EXTL3: variants seen among roughly 807,000 people sequenced by gnomAD.
The protein encoded by EXTL3 is exostosin-like 3.
EXTL3 carries 27 observed loss-of-function variants against 69.3 expected under a neutral mutation model. That is an observed-to-expected ratio of 0.39 (90% CI 0.29 to 0.54). The LOEUF (loss-of-function observed/expected upper bound fraction) is 0.54, where lower values mean the gene tolerates loss of function less well. EXTL3 is among the 20% of genes least tolerant of loss of function. The pLI, the probability that EXTL3 is intolerant of heterozygous loss-of-function variation, is 0.69. For missense variants in EXTL3, 1,003 were observed against 1,231.8 expected, an observed-to-expected ratio of 0.81 and a Z score of 2.78; for synonymous variants, 511 against 499.4, an observed-to-expected ratio of 1.02 and a Z score of -0.31.
At chr8:28,731,069 T>C (rs1585286741) in intron 3 of EXTL3, among the ~76,000 whole-genome samples, 154 bp from the exon 4 acceptor site, 1 of 152,376 alleles carries the variant, frequency 6.6e-6, no homozygotes, top group East Asian at 1.9e-4. Flanking sequence ...GCAGCTTTTA[T>C]TCCTGAAAGG....
chr8:28,658,920 A>T (rs1308945897), intron 1 of EXTL3, among the ~76,000 whole-genome samples: 3 of 152,170 alleles, frequency 2.0e-5, no homozygotes, highest in African/African-American at 7.2e-5. Context: ...ATTCCATCGT[A>T]TGTATGTAGC....
intron 1 of EXTL3, among the ~76,000 whole-genome samples, chr8:28,689,703 G>C (rs1431598024): frequency 6.6e-6 from 1 of 152,170 alleles, no homozygotes; most frequent in Non-Finnish European, 1.5e-5. Context: ...TTAAGGTATG[G>C]ATGAGTCTAG....
chr8:28,640,845 T>C (rs1460266700), intron 1 of EXTL3, among the ~76,000 whole-genome samples: 4 of 152,182 alleles, frequency 2.6e-5, no homozygotes. Flanking sequence ...CACGTGATCC[T>C]CCTGTCTCAG....
Position 28,750,918 on chromosome 8 carries a change from C to G in EXTL3, c.*52C>G. The G allele has an allele frequency of 6.5e-7, 1 of 1,536,874 alleles. No individual in the cohort carries two copies. The highest frequency in any genetic ancestry group is 2.2e-5 in the East Asian group (1 of 44,470). On this transcript the variant is annotated 3_prime_UTR_variant, in exon 7 of 7. Coordinates refer to ENST00000220562, the MANE Select transcript of EXTL3 (RefSeq NM_001440.4). This position sits in a 1 kb window ranked among gnomAD's most constrained non-coding sequence, Gnocchi z 5.2. ...ATGAGCAGAGGGAGGAAGATGGCTC[C>G]CAAGGTTCCTAGGCATTGCAGGACC...
chr8:28,660,908 C>G (rs1199933104), intron 1 of EXTL3, among the ~76,000 whole-genome samples: 2 of 32,376 alleles, frequency 6.2e-5, no homozygotes, highest in Non-Finnish European at 1.2e-4. Flanking sequence ...CTCTTTTGTT[C>G]GTTTCTTTTT....
Position 28,750,926 on chromosome 8 carries a change from C to A in EXTL3, c.*60C>A. 1 of 1,490,748 alleles carries A rather than the reference C, an allele frequency of 6.7e-7. No individual in the cohort carries two copies. Among genetic ancestry groups the A allele is most frequent in the Non-Finnish European group, 9.3e-7 (1 of 1,073,858 alleles). 92.3% of individuals were successfully genotyped at this position (1,490,748 alleles called of 1,614,324 possible). A position where few individuals can be genotyped will look rare whatever the true frequency, so the allele number is the denominator to read the frequency against. ...AGGGAGGAAGATGGCTCCCAAGGTT[C>A]CTAGGCATTGCAGGACCTTGGGCAC... On this transcript the variant is annotated 3_prime_UTR_variant, in exon 7 of 7. Transcript: ENST00000220562. The surrounding 1 kb of genome is among the most constrained non-coding windows in gnomAD (Gnocchi z 5.2).
At chr8:28,654,373 G>T (rs1806972688) in intron 1 of EXTL3, among the ~76,000 whole-genome samples, 4 of 152,060 alleles carry the variant, frequency 2.6e-5, no homozygotes, top group Admixed American at 6.6e-5. Flanking sequence ...TTGTTTGTTT[G>T]TTTGTTTTTG....
Position 28,642,433 on chromosome 8 carries a change from G to A in EXTL3, c.-53+19623G>A, listed in dbSNP as rs547035401. 4.5e-5 allele frequency among the ~76,000 whole-genome samples: 6 copies of A among 134,154 alleles called. No homozygotes were observed. In the South Asian group the frequency reaches 7.3e-4, roughly 16 times the overall value. 88.0% of individuals were successfully genotyped at this position (134,154 alleles called of 152,430 possible). The stretch of plus-strand genomic sequence containing the variant: ...TACACTCTAGCCTGGGTGACAGAGC[G>A]AAACACTGTCTCAAAAAAAAAAAAA... On this transcript the variant is annotated intron_variant, in intron 1 of 6. Coordinates refer to the EXTL3 transcript ENST00000523149.
At chr8:28,609,748 C>T (rs1038913408) in intron 2 of EXTL3, among the ~76,000 whole-genome samples, 2 of 151,330 alleles carry the variant, frequency 1.3e-5, no homozygotes, top group African/African-American at 2.4e-5. Flanking sequence ...AAAATAACTG[C>T]GCGTGATGGT....
chr8:28,749,662 C>CATTA (rs774825235), intron 6 of EXTL3, among the ~76,000 whole-genome samples: 1 of 149,522 alleles, frequency 6.7e-6, no homozygotes, highest in Non-Finnish European at 1.5e-5. Context: ...TTCATTCATT[C>CATTA]ATTATTCATT....
At chr8:28,707,319 T>C (rs987051910) in intron 1 of EXTL3, among the ~76,000 whole-genome samples, 3 of 152,210 alleles carry the variant, frequency 2.0e-5, no homozygotes, top group Non-Finnish European at 4.4e-5. Flanking sequence ...AAGTTTCCTA[T>C]CCTTGGTGAT....
intron 1 of EXTL3, among the ~76,000 whole-genome samples, chr8:28,702,284 G>A (rs1218481521): frequency 1.3e-5 from 2 of 152,204 alleles, no homozygotes; most frequent in African/African-American, 4.8e-5. Context: ...GGTGCTGCAG[G>A]ACCCTGGCTC....
intron 4 of EXTL3, among the ~76,000 whole-genome samples, chr8:28,732,721 G>C (rs1585288139): frequency 6.6e-6 from 1 of 152,042 alleles, no homozygotes; most frequent in African/African-American, 2.4e-5. Context: ...CTTGTAGCAG[G>C]TACCAGTTCT....
intron 2 of EXTL3, among the ~76,000 whole-genome samples, chr8:28,617,057 G>T (rs1180347897): frequency 6.6e-6 from 1 of 152,184 alleles, no homozygotes; most frequent in Non-Finnish European, 1.5e-5. Flanking sequence ...AGTCTTGAGA[G>T]GATTTGTCCT....
rs753235953 is a variant in EXTL3, at chr8:28,716,556, C to T, written c.497C>T (p.Ala166Val). The T allele has an allele frequency of 4.3e-6, 7 of 1,614,156 alleles. No homozygotes were observed. In the Admixed American group the frequency reaches 1.2e-4, roughly 27 times the overall value. The change falls in exon 3 of 7, where the codon GCC becomes GTC. Residue 166 changes from alanine (A) to valine (V), a missense_variant. By Grantham distance (64) the Ala-to-Val change is moderately conservative. This residue lies in a region of EXTL3 where 742 missense variants were observed against 815.4 expected (regional missense o/e 0.91). Transcript: ENST00000220562. The surrounding 1 kb of genome is among the most constrained non-coding windows in gnomAD (Gnocchi z 7.1). ...PIRLLPEKDD[A>V]GLPPPKATRG... ...CGACTGCTCCCAGAGAAGGACGATG[C>T]CGGCCTCCCTCCCCCGAAGGCCACT...
chr8:28,642,727 C>T (rs1171616313), intron 1 of EXTL3, among the ~76,000 whole-genome samples: 4 of 152,098 alleles, frequency 2.6e-5, no homozygotes, highest in Non-Finnish European at 4.4e-5. Context: ...CCACAGATTG[C>T]AAGTAAGTGT....
At chr8:28,743,254 GTTTAC>G in intron 6 of EXTL3, 40 bp downstream of exon 6, 1 of 1,613,376 alleles carries the variant, frequency 6.2e-7, no homozygotes, top group Non-Finnish European at 8.5e-7. Flanking sequence ...ATGCGTGCAT[GTTTAC>G]TTCACTTGTT....
intron 3 of EXTL3, among the ~76,000 whole-genome samples, chr8:28,723,971 A>AT (rs898462163): frequency 6.8e-6 from 1 of 147,174 alleles, no homozygotes; most frequent in South Asian, 2.2e-4. Context: ...ATAGATATGT[A>AT]TTTTTTTTCT....
At chr8:28,736,574 C>T (rs939466983) in intron 4 of EXTL3, among the ~76,000 whole-genome samples, 5 of 152,164 alleles carry the variant, frequency 3.3e-5, no homozygotes, top group African/African-American at 9.7e-5. Flanking sequence ...TTGTATGGTT[C>T]TGTAGGCCAC....
Sources: gnomAD v4.1 joint callset for allele counts (sites outside exome capture counted in the v4.1 genomes callset) on GRCh38, gnomAD v4.1.1 for gene constraint, gnomAD v4.1.1 regional missense constraint, Gnocchi (gnomAD v3.1) non-coding constraint, MANE v1.5 for transcripts, NCBI Gene and HGNC (gene_info 2026-07-23, HGNC 2026-07-21) for gene names.